The following CDH12 variants were observed in gnomAD, a reference collection of about 807,000 sequenced individuals.
The protein encoded by CDH12 is cadherin-12.
A neutral mutation model predicts 74.1 loss-of-function variants in CDH12; 41 were observed. The observed-to-expected ratio is 0.55, with a 90% CI of 0.43 to 0.72. The LOEUF (loss-of-function observed/expected upper bound fraction) is 0.72, where lower values mean the gene tolerates loss of function less well. CDH12 is among the 30% of genes least tolerant of loss of function. The probability of loss-of-function intolerance (pLI) is 0.00; values close to 1 mark genes in which losing one functional copy is unlikely to be tolerated. For missense variants in CDH12, 945 were observed against 977.2 expected (o/e 0.97, Z 0.44); for synonymous variants, 399 against 355.0 (o/e 1.12, Z -1.39).
At chr5:22,489,257 C>T (rs1010245790) in intron 2 of CDH12, among the ~76,000 whole-genome samples, 1 of 151,284 alleles carries the variant, frequency 6.6e-6, no homozygotes, top group Non-Finnish European at 1.5e-5. Context: ...CGGGGTTTCA[C>T]CGTGTTAGCC....
rs1749743014 is a variant in CDH12, at chr5:22,822,248, C to T, written c.-523+30810G>A. Among the ~76,000 whole-genome samples, 4 of 152,338 alleles carry T rather than the reference C, an allele frequency of 2.6e-5. No homozygotes were observed. The South Asian group carries it at 8.3e-4, about 32-fold the overall frequency. On this transcript the variant is annotated intron_variant, in intron 1 of 14. Transcript: ENST00000382254. ...AAATTAATTCAAGATGGATTAAAGA[C>T]TTACCTGTTAAACCTAAAACCATAA...
chr5:22,643,514 CA>C (rs989526348), intron 1 of CDH12, among the ~76,000 whole-genome samples: 3 of 152,084 alleles, frequency 2.0e-5, no homozygotes, highest in Non-Finnish European at 4.4e-5. Flanking sequence ...CAAGAATTCT[CA>C]GTTCTATTTG....
intron 5 of CDH12, among the ~76,000 whole-genome samples, chr5:22,070,386 A>G (rs1334780700): frequency 6.6e-6 from 1 of 152,156 alleles, no homozygotes; most frequent in Non-Finnish European, 1.5e-5. Flanking sequence ...TGGACTTACA[A>G]TGGTGTGATA....
chr5:21,765,409 T>C (rs1006733384), intron 11 of CDH12, among the ~76,000 whole-genome samples: 4 of 152,084 alleles, frequency 2.6e-5, no homozygotes, highest in African/African-American at 9.7e-5. Context: ...AGTGATATTT[T>C]TCCCCAGATG....
intron 5 of CDH12, among the ~76,000 whole-genome samples, chr5:22,068,505 A>G (rs1338170684): frequency 6.6e-6 from 1 of 152,120 alleles, no homozygotes; most frequent in Non-Finnish European, 1.5e-5. Context: ...CATTTTGCAT[A>G]GAATTAGAAA....
chr5:22,251,751 G>A (rs1449002628), intron 3 of CDH12, among the ~76,000 whole-genome samples: 1 of 152,020 alleles, frequency 6.6e-6, no homozygotes, highest in African/African-American at 2.4e-5. Context: ...GTTGGCTATT[G>A]GAATTCCTCT....
intron 1 of CDH12, among the ~76,000 whole-genome samples, chr5:22,654,186 T>G (rs1739894447): frequency 6.6e-6 from 1 of 151,344 alleles, no homozygotes; most frequent in African/African-American, 2.4e-5. Context: ...TTCTTCTTTC[T>G]TTCTTTCTTT....
Position 21,996,124 on chromosome 5 carries a change from T to A in CDH12, c.232-20739A>T, listed in dbSNP as rs898625022. On this transcript the variant is annotated intron_variant, in intron 5 of 14. Transcript: ENST00000382254. ...ACACACGTTTTTTTTTTTTTTTTTT[T>A]TTTTTTTTCCAATGCCTGCTTGAAG... is the stretch of plus-strand genomic sequence containing the variant. 3.2e-5 allele frequency among the ~76,000 whole-genome samples: 4 copies of A among 123,282 alleles called. 1 individual carries two copies. The highest frequency in any genetic ancestry group is 1.6e-4 in the African/African-American group (4 of 25,082). 80.9% of individuals were successfully genotyped at this position (123,282 alleles called of 152,430 possible). A position where few individuals can be genotyped will look rare whatever the true frequency, so the allele number is the denominator to read the frequency against.
At chr5:22,783,306 T>C in intron 1 of CDH12, among the ~76,000 whole-genome samples, 1 of 151,444 alleles carries the variant, frequency 6.6e-6, no homozygotes, top group African/African-American at 2.5e-5. Flanking sequence ...ACTATCCCAG[T>C]GAATTGCATC....
intron 4 of CDH12, among the ~76,000 whole-genome samples, chr5:22,149,967 C>G (rs1234495199): frequency 2.0e-5 from 3 of 152,060 alleles, no homozygotes; most frequent in Non-Finnish European, 4.4e-5. Flanking sequence ...GCACTCCAGC[C>G]TGGGTGACAG....
intron 3 of CDH12, among the ~76,000 whole-genome samples, chr5:22,372,036 G>C (rs570398375): frequency 6.6e-6 from 1 of 152,266 alleles, no homozygotes; most frequent in South Asian, 2.1e-4. Flanking sequence ...TTTAGAACTA[G>C]TTAAGACAAG....
At chr5:22,794,496 G>A (rs1310047175) in intron 1 of CDH12, among the ~76,000 whole-genome samples, 3 of 152,156 alleles carry the variant, frequency 2.0e-5, no homozygotes, top group African/African-American at 4.8e-5. Flanking sequence ...TCATCTGTAC[G>A]ATGATCTGCT....
chr5:21,758,395 A>C (rs1410991083), intron 13 of CDH12, among the ~76,000 whole-genome samples: 1 of 152,144 alleles, frequency 6.6e-6, no homozygotes, highest in Non-Finnish European at 1.5e-5. Context: ...TCTTTGCCTA[A>C]TCATTGTAGC....
chr5:21,761,102 C>T (rs573065570), intron 12 of CDH12, among the ~76,000 whole-genome samples: 3 of 152,112 alleles, frequency 2.0e-5, no homozygotes, highest in African/African-American at 7.2e-5. Flanking sequence ...TGTTTTGTAA[C>T]AATGGCTCTA....
chr5:22,544,782 A>T (rs1399698835), intron 1 of CDH12, among the ~76,000 whole-genome samples: 1 of 151,446 alleles, frequency 6.6e-6, no homozygotes, highest in Non-Finnish European at 1.5e-5. Context: ...GCACCACTGT[A>T]CTCCAGCCTG....
intron 6 of CDH12, among the ~76,000 whole-genome samples, chr5:21,860,457 T>C (rs987553605): frequency 2.0e-5 from 3 of 149,576 alleles, no homozygotes; most frequent in East Asian, 1.9e-4. Flanking sequence ...ATGGTTAATA[T>C]AGAGTGTCAA....
chr5:22,237,549 C>G (rs544555509), intron 3 of CDH12, among the ~76,000 whole-genome samples: 2 of 152,216 alleles, frequency 1.3e-5, no homozygotes, highest in South Asian at 4.1e-4. Context: ...AGAGTGCCAT[C>G]TATGAGAAAT....
intron 1 of CDH12, among the ~76,000 whole-genome samples, chr5:22,534,856 C>A (rs1225892379): frequency 2.6e-5 from 4 of 151,018 alleles, no homozygotes; most frequent in Non-Finnish European, 4.4e-5. Context: ...AGTTAAATAA[C>A]CATAACATAG....
At chr5:22,836,223 C>CTCTTTTTTTTTTT (rs1736814730) in intron 1 of CDH12, among the ~76,000 whole-genome samples, 1 of 65,506 alleles carries the variant, frequency 1.5e-5, no homozygotes, top group Admixed American at 2.9e-4. Context: ...CTTTCTTTCT[C>CTCTTTTTTTTTTT]TTTTTTTTTT....
Sources: allele counts gnomAD v4.1 joint callset (sites outside exome capture counted in the v4.1 genomes callset), GRCh38; gene constraint gnomAD v4.1.1; transcripts MANE v1.5; gene names NCBI Gene and HGNC (gene_info 2026-07-23, HGNC 2026-07-21).